The following FAM118B variants were observed in gnomAD, a reference collection of about 807,000 sequenced individuals.
The protein encoded by FAM118B is SIR2 antiphage like 1.
Under a neutral mutation model 38.5 loss-of-function variants are expected in FAM118B, and 24 were observed. The ratio of observed to expected loss-of-function variants is 0.62; its 90% CI spans 0.45 to 0.88. FAM118B has a LOEUF of 0.88. Among genes scored for constraint, FAM118B ranks in the 40% least tolerant of loss-of-function variants. The pLI is 0.00. For synonymous variants in FAM118B, 138 were observed against 156.3 expected, an observed-to-expected ratio of 0.88 and a Z score of 0.87; for missense variants, 334 against 420.0, an observed-to-expected ratio of 0.80 and a Z score of 1.79.
At chr11:126,238,735 C>A (rs1303401638) in intron 3 of FAM118B, among the ~76,000 whole-genome samples, 1 of 152,116 alleles carries the variant, frequency 6.6e-6, no homozygotes, top group Admixed American at 6.6e-5. Flanking sequence ...CCCCACCAGC[C>A]CCTCTACCTT....
rs778018710 is a variant in FAM118B, at chr11:126,256,701, G to C, written c.831G>C (p.Leu277=). 2 of 1,614,190 alleles carry C rather than the reference G, an allele frequency of 1.2e-6. No homozygotes were observed. The highest frequency in any genetic ancestry group is 2.2e-5 in the South Asian group (2 of 91,084). ...AATCTGACCTAGAACATTTCATGCT[G>C]GTTCGGAGAGGAGACGTAGATGAGT... ...KHKSDLEHFM[L]VRRGDVDEFK... Residue 277 remains leucine, a synonymous_variant, in exon 7 of 9, where the codon CTG becomes CTC. Transcript: ENST00000533050. The surrounding 1 kb of genome is among the most constrained non-coding windows in gnomAD (Gnocchi z 6.6).
At chr11:126,245,935 G>T (rs1950413578) in intron 4 of FAM118B, among the ~76,000 whole-genome samples, 1 of 151,308 alleles carries the variant, frequency 6.6e-6, no homozygotes, top group African/African-American at 2.4e-5. Flanking sequence ...GGCGGAGGTT[G>T]CAGTGAGCCG....
intron 2 of FAM118B, among the ~76,000 whole-genome samples, chr11:126,231,578 G>A (rs1950207010): frequency 6.6e-6 from 1 of 152,138 alleles, no homozygotes; most frequent in Non-Finnish European, 1.5e-5. Context: ...TATAATGTAG[G>A]CATGCTGAGC....
intron 2 of FAM118B, among the ~76,000 whole-genome samples, chr11:126,230,881 T>G (rs549887469): frequency 6.6e-6 from 1 of 152,334 alleles, no homozygotes; most frequent in African/African-American, 2.4e-5. Flanking sequence ...TCTTTGATGT[T>G]TTCAAGTCCA....
intron 2 of FAM118B, among the ~76,000 whole-genome samples, chr11:126,231,404 A>T (rs1950205123): frequency 6.8e-6 from 1 of 147,004 alleles, no homozygotes. Flanking sequence ...GTACATGCTA[A>T]AATTGATTTT....
rs1174866799 is a variant in FAM118B, at chr11:126,262,152, CACCGTTTAG to C, written c.*23_*31del. 1 of 1,613,746 alleles carries C rather than the reference CACCGTTTAG, an allele frequency of 6.2e-7. No individual in the cohort carries two copies. Among genetic ancestry groups the C allele is most frequent in the Admixed American group, 1.7e-5 (1 of 59,992 alleles). On this transcript the variant is annotated 3_prime_UTR_variant, in exon 9 of 9. Transcript: ENST00000533050. Reference sequence around the variant, plus strand: ...TACATGAGCGAGCTAGAGAAATCACCACCGTTTAGACCAAGCTGTAAGGCCCTACTACAG... The same window carrying C: ...TACATGAGCGAGCTAGAGAAATCACCACCAAGCTGTAAGGCCCTACTACAG...
At chr11:126,241,177 T>C in intron 4 of FAM118B, 133 bp downstream of exon 4, 3 of 1,013,046 alleles carry the variant, frequency 3.0e-6, no homozygotes, top group Non-Finnish European at 4.3e-6. Flanking sequence ...TAGGTTTCCA[T>C]AACATTTGAC....
chr11:126,231,392 G>C (rs1177534095), intron 2 of FAM118B, among the ~76,000 whole-genome samples: 1 of 151,224 alleles, frequency 6.6e-6, no homozygotes, highest in Non-Finnish European at 1.5e-5. Flanking sequence ...ATTTTGTTTA[G>C]GGTACATGCT....
rs1184718758 is a variant in FAM118B, at chr11:126,244,030, A to AT, written c.339+2994dup. Among the ~76,000 whole-genome samples the AT allele has an allele frequency of 3.3e-5, 5 of 152,200 alleles. No homozygotes were observed. In the South Asian group the frequency reaches 1.0e-3, roughly 32 times the overall value. ...TAGCAAAATGCAACACTCTTTCATG[A>AT]TTTTTTTTAAAAAAGCCACACTCTA... On this transcript the variant is annotated intron_variant, in intron 4 of 8. Transcript: ENST00000533050. The surrounding 1 kb of genome is among the most constrained non-coding windows in gnomAD (Gnocchi z 4.5).
intron 1 of FAM118B, among the ~76,000 whole-genome samples, chr11:126,223,883 A>G (rs1158887971): frequency 2.0e-5 from 3 of 152,240 alleles, no homozygotes; most frequent in Admixed American, 1.3e-4. Context: ...GAATCAGACT[A>G]CATTCACTGT....
At chr11:126,214,424 A>G (rs189587454) in intron 1 of FAM118B, 63 of 145,602 alleles carry the variant, frequency 4.3e-4, no homozygotes, top group African/African-American at 1.5e-3. Flanking sequence ...TCAAAGAGCA[A>G]TAATCACCCC....
At chr11:126,214,179 C>G (rs12224744) in intron 1 of FAM118B, 1 of 150,872 alleles carries the variant, frequency 6.6e-6, no homozygotes, top group East Asian at 2.0e-4. Flanking sequence ...AAACCCCCGT[C>G]TCTACTAAAA....
intron 1 of FAM118B, among the ~76,000 whole-genome samples, chr11:126,224,949 A>C (rs1950120840): frequency 6.6e-6 from 1 of 152,246 alleles, no homozygotes; most frequent in South Asian, 2.1e-4. Context: ...GTCTTAACTC[A>C]AATTAGGTAA....
chr11:126,211,837 G>A lies in FAM118B; in HGVS notation c.-77+7G>A. On this transcript the variant is annotated splice_region_variant and intron_variant, in intron 1 of 8. Coordinates refer to ENST00000533050, the MANE Select transcript of FAM118B (RefSeq NM_024556.4). ...GGCGTTTGGAGGAGACTCGGTGAGT[G>A]TGTAGGGAAGCCGGGCTGGGGCTGG... The A allele has an allele frequency of 1.7e-6, 1 of 589,562 alleles. No homozygotes were observed. The highest frequency in any genetic ancestry group is 3.0e-6 in the Non-Finnish European group (1 of 337,388). 36.5% of individuals were successfully genotyped at this position (589,562 alleles called of 1,614,324 possible).
intron 5 of FAM118B, among the ~76,000 whole-genome samples, chr11:126,251,511 A>G (rs562604702): frequency 1.6e-4 from 24 of 152,302 alleles, no homozygotes; most frequent in Admixed American, 7.8e-4. Flanking sequence ...AATTGAATTT[A>G]GAGAAAAGCT....
intron 1 of FAM118B, among the ~76,000 whole-genome samples, chr11:126,224,532 G>T (rs1180201186): frequency 6.7e-6 from 1 of 150,228 alleles, no homozygotes; most frequent in Non-Finnish European, 1.5e-5. Flanking sequence ...CTAATAATTG[G>T]TATGTTAGAG....
At chr11:126,251,594 C>T (rs1258665829) in intron 5 of FAM118B, among the ~76,000 whole-genome samples, 2 of 152,198 alleles carry the variant, frequency 1.3e-5, no homozygotes, top group Non-Finnish European at 2.9e-5. Flanking sequence ...TGGTCAGCTC[C>T]TTCTTCATTT....
Position 126,250,336 on chromosome 11 carries a change from C to T in FAM118B, c.340-170C>T, listed in dbSNP as rs1433315446. On this transcript the variant is annotated intron_variant, in intron 4 of 8. Transcript: ENST00000533050. This position sits in a 1 kb window ranked among gnomAD's most constrained non-coding sequence, Gnocchi z 5.1. Reference sequence around the variant, plus strand: ...TCGATCTCCTGACCTCGTGATCCGCCCGCCTCGGTCTCCCAAAGTGCTGGG... The same window carrying T: ...TCGATCTCCTGACCTCGTGATCCGCTCGCCTCGGTCTCCCAAAGTGCTGGG... Among the ~76,000 whole-genome samples, 1 of 152,138 alleles carries T rather than the reference C, an allele frequency of 6.6e-6. No individual in the cohort carries two copies. Among genetic ancestry groups the T allele is most frequent in the African/African-American group, 2.4e-5 (1 of 41,438 alleles).
intron 7 of FAM118B, among the ~76,000 whole-genome samples, chr11:126,257,255 A>C (rs1950591440): frequency 6.6e-6 from 1 of 152,242 alleles, no homozygotes; most frequent in Non-Finnish European, 1.5e-5. Flanking sequence ...AAATTAGAAG[A>C]TGTAACAAAA....
Sources: gnomAD v4.1 joint callset for allele counts (sites outside exome capture counted in the v4.1 genomes callset) on GRCh38, gnomAD v4.1.1 for gene constraint, Gnocchi (gnomAD v3.1) non-coding constraint, MANE v1.5 for transcripts, NCBI Gene and HGNC (gene_info 2026-07-23, HGNC 2026-07-21) for gene names.